Variants in CELF2 observed in about 807,000 individuals in gnomAD.
CELF2 encodes the protein CUG triplet repeat RNA-binding protein 2.
Under a neutral mutation model 62.6 loss-of-function variants are expected in CELF2, and 8 were observed. The observed-to-expected ratio is 0.13, with a 90% CI of 0.07 to 0.23. The LOEUF (loss-of-function observed/expected upper bound fraction) is 0.23, where lower values mean the gene tolerates loss of function less well. Among genes scored for constraint, CELF2 ranks in the 10% least tolerant of loss-of-function variants. The probability of loss-of-function intolerance (pLI) is 1.00; values close to 1 mark genes in which losing one functional copy is unlikely to be tolerated. For synonymous variants in CELF2, 258 were observed against 250.0 expected (o/e 1.03, Z -0.30); for missense variants, 333 against 671.0 (o/e 0.50, Z 5.56).
At chr10:10,468,231 C>T in the CELF2 span, among the ~76,000 whole-genome samples, 2 of 152,012 alleles carry the variant, frequency 1.3e-5, no homozygotes, top group African/African-American at 4.8e-5. Flanking sequence ...ATACAATAAA[C>T]AGATACTATC....
chr10:10,536,620 G>A, the CELF2 span, among the ~76,000 whole-genome samples: 1 of 152,196 alleles, frequency 6.6e-6, no homozygotes, highest in Non-Finnish European at 1.5e-5. Flanking sequence ...TCTTGGCCCA[G>A]AATGTCAGCA....
chr10:11,150,466 G>A (rs781546649), intron 1 of CELF2, among the ~76,000 whole-genome samples: 33 of 152,092 alleles, frequency 2.2e-4, no homozygotes, highest in Non-Finnish European at 4.0e-4. Context: ...AGTTTCTTTT[G>A]TTTGATTGCC....
In CELF2 at chr10:11,090,793, G is replaced by C. The variant is rs578027881; in HGVS notation, c.74+72630G>C. ...GAAGTGATCTAATGGAATTCCACAA[G>C]AGTTTTAAGAGGGTTAGGTCATACT... is the stretch of plus-strand genomic sequence containing the variant. On this transcript the variant is annotated intron_variant, in intron 1 of 12. Coordinates refer to ENST00000633077, the MANE Select transcript of CELF2 (RefSeq NM_001326342.2). Among the ~76,000 whole-genome samples the C allele has an allele frequency of 7.9e-5, 12 of 152,266 alleles. No individual in the cohort carries two copies. The South Asian group carries it at 2.5e-3, about 32-fold the overall frequency.
the CELF2 span, among the ~76,000 whole-genome samples, chr10:10,704,307 T>A: frequency 6.6e-6 from 1 of 151,968 alleles, no homozygotes; most frequent in African/African-American, 2.4e-5. Flanking sequence ...CTTCCTTGAT[T>A]TTTTTTTCTG....
upstream of CELF2, among the ~76,000 whole-genome samples, chr10:11,003,282 T>C (rs1018102824): frequency 6.6e-6 from 1 of 152,228 alleles, no homozygotes. This position sits in a 1 kb window ranked among gnomAD's most constrained non-coding sequence, Gnocchi z 4.4. Flanking sequence ...TTTATTTCAC[T>C]GTAGGAACAG....
chr10:10,672,385 T>A, the CELF2 span, among the ~76,000 whole-genome samples: 1 of 152,202 alleles, frequency 6.6e-6, no homozygotes, highest in African/African-American at 2.4e-5. Context: ...TAGATTTTCT[T>A]CTATGTTACC....
the CELF2 span, among the ~76,000 whole-genome samples, chr10:10,619,870 G>T: frequency 3.0e-4 from 45 of 152,270 alleles, no homozygotes; most frequent in Admixed American, 8.5e-4. Flanking sequence ...GGGGGTTTTG[G>T]CTTGTCGGTA....
the CELF2 span, among the ~76,000 whole-genome samples, chr10:10,760,284 C>T: frequency 6.6e-6 from 1 of 152,090 alleles, no homozygotes; most frequent in African/African-American, 2.4e-5. Flanking sequence ...TACCCCAGTC[C>T]CCCTCTTTAT....
the CELF2 span, among the ~76,000 whole-genome samples, chr10:10,469,009 A>C: frequency 6.6e-6 from 1 of 151,432 alleles, no homozygotes; most frequent in South Asian, 2.1e-4. Flanking sequence ...ATTACAGTGC[A>C]AAAAAAATGG....
intron 2 of CELF2, among the ~76,000 whole-genome samples, chr10:11,173,984 G>A (rs994657558): frequency 2.6e-5 from 4 of 152,174 alleles, no homozygotes; most frequent in African/African-American, 9.7e-5. Context: ...AATTGAAGAT[G>A]TTCCGACCCA....
chr10:10,784,263 T>C, the CELF2 span, among the ~76,000 whole-genome samples: 1 of 152,294 alleles, frequency 6.6e-6, no homozygotes, highest in Admixed American at 6.5e-5. Context: ...ACCCCTGGGT[T>C]CCAGCCCCAT....
intron 1 of CELF2, among the ~76,000 whole-genome samples, chr10:10,897,188 C>A (rs1006119251): frequency 2.9e-4 from 44 of 152,220 alleles, no homozygotes; most frequent in African/African-American, 1.1e-3. Flanking sequence ...TTAGAGAATA[C>A]CTATATCATC....
At chr10:10,999,876 A>T (rs951997689) in intron 2 of CELF2, among the ~76,000 whole-genome samples, 1 of 152,248 alleles carries the variant, frequency 6.6e-6, no homozygotes, top group African/African-American at 2.4e-5. Flanking sequence ...GGATGCCCAG[A>T]TAATGGTCGA....
At chr10:11,002,892 G>A (rs183131284), upstream of CELF2, among the ~76,000 whole-genome samples, 60 of 152,012 alleles carry the variant, frequency 3.9e-4, no homozygotes, top group East Asian at 3.1e-3. The surrounding 1 kb of genome is among the most constrained non-coding windows in gnomAD (Gnocchi z 4.4). Context: ...CATTTCCAGT[G>A]GTTAAACATA....
At chr10:10,949,546 C>T (rs185397322) in intron 2 of CELF2, among the ~76,000 whole-genome samples, 1 of 152,042 alleles carries the variant, frequency 6.6e-6, no homozygotes, top group East Asian at 1.9e-4. Context: ...AATCTCAGCA[C>T]TTTGGGAGGC....
At chr10:11,132,007 A>G (rs769828959) in intron 1 of CELF2, among the ~76,000 whole-genome samples, 95 of 152,258 alleles carry the variant, frequency 6.2e-4, no homozygotes, top group Non-Finnish European at 2.4e-4. Context: ...TAATTTTATA[A>G]AAGTGGAAGA....
chr10:10,504,379 T>C, the CELF2 span, among the ~76,000 whole-genome samples: 51,796 of 152,008 alleles, frequency 0.34, 10,538 homozygotes, highest in Non-Finnish European at 0.47. Flanking sequence ...ATCTGAAAAA[T>C]ATTTTGTCAC....
At chr10:10,791,990 AGAGAAGGAAGG>A in the CELF2 span, among the ~76,000 whole-genome samples, 6 of 149,964 alleles carry the variant, frequency 4.0e-5, no homozygotes, top group African/African-American at 1.2e-4. Context: ...GAGAAGGAAA[AGAGAAGGAAGG>A]GAGAAGGAAG....
Position 11,264,375 on chromosome 10 carries a change from A to C in CELF2, c.539-2223A>C, listed in dbSNP as rs1169816010. On this transcript the variant is annotated intron_variant, in intron 5 of 12. Transcript: ENST00000633077. ...TTTTACATGTTTCTTACGCATTTTT[A>C]CCCTCCATTTGGAAACTGTCAGCTT... Among the ~76,000 whole-genome samples the C allele has an allele frequency of 2.6e-5, 4 of 152,096 alleles. No individual in the cohort carries two copies. In the East Asian group the frequency reaches 7.7e-4, roughly 29 times the overall value.
Sources: gnomAD v4.1 joint callset for allele counts (sites outside exome capture counted in the v4.1 genomes callset) on GRCh38, gnomAD v4.1.1 for gene constraint, Gnocchi (gnomAD v3.1) non-coding constraint, MANE v1.5 for transcripts, NCBI Gene and HGNC (gene_info 2026-07-23, HGNC 2026-07-21) for gene names.